Variants in CCDC73 observed in about 807,000 individuals in gnomAD.
The protein encoded by CCDC73 is coiled-coil domain containing 73, also known as coiled-coil domain-containing protein 73.
A neutral mutation model predicts 116.5 loss-of-function variants in CCDC73; 95 were observed. The ratio of observed to expected loss-of-function variants is 0.82; its 90% CI spans 0.69 to 0.97. CCDC73 has a LOEUF of 0.97. CCDC73 is among the 50% of genes least tolerant of loss of function. The pLI, the probability that CCDC73 is intolerant of heterozygous loss-of-function variation, is 0.00. For synonymous variants in CCDC73, 398 were observed against 401.3 expected (o/e 0.99, Z 0.10); for missense variants, 1,066 against 1,206.8 (o/e 0.88, Z 1.73).
the CCDC73 span, among the ~76,000 whole-genome samples, chr11:32,812,688 A>AAAAG: frequency 6.6e-6 from 1 of 150,794 alleles, no homozygotes; most frequent in Non-Finnish European, 1.5e-5. Flanking sequence ...AAAAAAAAAA[A>AAAAG]TTAGTCAGGC....
chr11:32,774,460 A>G (rs180858892), intron 1 of CCDC73, among the ~76,000 whole-genome samples: 2 of 152,318 alleles, frequency 1.3e-5, no homozygotes, highest in East Asian at 3.9e-4. Context: ...TCAATCTATT[A>G]TGTTTAATTT....
Position 32,654,104 on chromosome 11 carries a change from C to T in CCDC73, c.775-67G>A, listed in dbSNP as rs1855850665. 6 of 1,415,406 alleles carry T rather than the reference C, an allele frequency of 4.2e-6. No individual in the cohort carries two copies. The Admixed American group carries it at 1.3e-4, about 31-fold the overall frequency. 87.7% of individuals were successfully genotyped at this position (1,415,406 alleles called of 1,614,324 possible). ...AGCAAATTCTACATTCAATTCAGTA[C>T]TAAACAAATTTTGGAGTGTTATGAC... On this transcript the variant is annotated intron_variant, in intron 10 of 17. Coordinates refer to ENST00000335185, the MANE Select transcript of CCDC73 (RefSeq NM_001008391.4).
At chr11:32,720,489 G>A (rs967365477) in intron 2 of CCDC73, among the ~76,000 whole-genome samples, 4 of 151,970 alleles carry the variant, frequency 2.6e-5, no homozygotes, top group African/African-American at 7.2e-5. Context: ...TATTCTCATC[G>A]CTCTTATTAA....
chr11:32,693,596 G>C (rs1377878131), intron 6 of CCDC73, among the ~76,000 whole-genome samples: 2 of 152,062 alleles, frequency 1.3e-5, no homozygotes, highest in Non-Finnish European at 2.9e-5. Context: ...ACCAAAGCCT[G>C]GCAAAGACAC....
At chr11:32,730,351 C>T (rs531700928) in intron 2 of CCDC73, among the ~76,000 whole-genome samples, 106 of 152,278 alleles carry the variant, frequency 7.0e-4, no homozygotes, top group Non-Finnish European at 1.1e-3. Context: ...TAATATATAG[C>T]CTCTTGAATC....
At position 32,614,962 on chromosome 11, in the gene CCDC73, G is replaced by A; in HGVS notation, c.1376-20C>T. ...GTAAATCTGTCATGATGGGAACACAGTAAAATTTTATATTATACACTAAAG... is the reference window on the plus strand; with the variant it reads ...GTAAATCTGTCATGATGGGAACACAATAAAATTTTATATTATACACTAAAG... On this transcript the variant is annotated intron_variant, in intron 15 of 17. Coordinates refer to ENST00000335185, the MANE Select transcript of CCDC73 (RefSeq NM_001008391.4). The A allele has an allele frequency of 6.7e-7, 1 of 1,493,660 alleles. No homozygotes were observed. The allele number at this position is 1,493,660 out of a possible 1,614,324, so 92.5% of individuals were successfully genotyped here.
chr11:32,715,129 C>T (rs4756179), intron 3 of CCDC73, among the ~76,000 whole-genome samples: 37,430 of 152,022 alleles, frequency 0.25, 5,788 homozygotes, highest in East Asian at 0.79. Context: ...GAGGTACTTT[C>T]TTTCCCCTTT....
intron 14 of CCDC73, among the ~76,000 whole-genome samples, chr11:32,634,540 A>G (rs1454572082): frequency 1.1e-4 from 17 of 152,206 alleles, no homozygotes; most frequent in Non-Finnish European, 1.5e-5. Context: ...ATAAACAAAA[A>G]CATATAGCTA....
intron 3 of CCDC73, among the ~76,000 whole-genome samples, chr11:32,709,825 G>A (rs893680277): frequency 1.6e-4 from 25 of 152,288 alleles, no homozygotes; most frequent in Admixed American, 1.2e-3. Context: ...CTGTGAATCC[G>A]TCTGGTCCTA....
chr11:32,613,422 C>G lies in CCDC73; in HGVS notation c.2896G>C (p.Asp966His). The G allele has an allele frequency of 6.3e-7, 1 of 1,588,804 alleles. No individual in the cohort carries two copies. Among genetic ancestry groups the G allele is most frequent in the Non-Finnish European group, 8.6e-7 (1 of 1,165,708 alleles). The stretch of plus-strand genomic sequence containing the variant: ...TTAAAACATTACTTTGTTTTCTTAC[C>G]TGGTCCAATATCCTTTCCAACATCA... ...VDDVGKDIGP[D>H]TTSINRVADT... Residue 966 changes from aspartate to histidine, a missense_variant and splice_region_variant, in exon 16 of 18, where the codon GAT becomes CAT. Physicochemically the swap from Asp to His is moderately conservative, Grantham distance 81. Coordinates refer to ENST00000335185, the MANE Select transcript of CCDC73 (RefSeq NM_001008391.4).
intron 4 of CCDC73, among the ~76,000 whole-genome samples, chr11:32,701,314 G>A (rs1046959414): frequency 6.6e-6 from 1 of 151,968 alleles, no homozygotes; most frequent in Non-Finnish European, 1.5e-5. Context: ...TCGTAAATCA[G>A]AATCATTTGT....
intron 6 of CCDC73, among the ~76,000 whole-genome samples, chr11:32,684,042 T>TTTTGTTTG (rs3981867): frequency 3.4e-4 from 52 of 150,918 alleles, no homozygotes; most frequent in Admixed American, 9.9e-4. Flanking sequence ...TACTACCAGG[T>TTTTGTTTG]TTTGTTTGTT....
At position 32,613,424 on chromosome 11, in the gene CCDC73, G is replaced by A; in HGVS notation, c.2894C>T (p.Pro965Leu). The A allele has an allele frequency of 1.3e-6, 2 of 1,594,932 alleles. No homozygotes were observed. The highest frequency in any genetic ancestry group is 1.7e-6 in the Non-Finnish European group (2 of 1,168,882). Residue 965 changes from proline to leucine, a missense_variant and splice_region_variant, in exon 16 of 18, where the codon CCA becomes CTA. Transcript: ENST00000335185. ...GVDDVGKDIG[P>L]DTTSINRVAD... ...AAAACATTACTTTGTTTTCTTACCT[G>A]GTCCAATATCCTTTCCAACATCATC...
chr11:32,700,442 A>C (rs1293576587), intron 5 of CCDC73, among the ~76,000 whole-genome samples: 1 of 152,184 alleles, frequency 6.6e-6, no homozygotes, highest in African/African-American at 2.4e-5. Flanking sequence ...TAAAAACATC[A>C]TGGTTAATAG....
chr11:32,676,370 C>G (rs962639192), intron 7 of CCDC73, among the ~76,000 whole-genome samples: 3 of 152,132 alleles, frequency 2.0e-5, no homozygotes, highest in Non-Finnish European at 4.4e-5. Flanking sequence ...TGGTACTTTA[C>G]GAGGTATTTT....
chr11:32,724,228 A>G (rs2133338378), intron 2 of CCDC73, among the ~76,000 whole-genome samples: 1 of 152,262 alleles, frequency 6.6e-6, no homozygotes, highest in Admixed American at 6.5e-5. Context: ...TAAACCACCC[A>G]AAACTCCACT....
chr11:32,681,945 C>T (rs1257373563), intron 7 of CCDC73: 1 of 151,208 alleles, frequency 6.6e-6, no homozygotes, highest in Non-Finnish European at 1.5e-5. Context: ...ATATATATAC[C>T]AACATATAAA....
At chr11:32,752,140 G>A (rs1322959400) in intron 2 of CCDC73, among the ~76,000 whole-genome samples, 1 of 152,138 alleles carries the variant, frequency 6.6e-6, no homozygotes, top group Non-Finnish European at 1.5e-5. Context: ...AAGCCCCAGT[G>A]TGAGAGTACT....
intron 3 of CCDC73, among the ~76,000 whole-genome samples, chr11:32,716,985 T>C (rs1200131153): frequency 6.6e-6 from 1 of 152,170 alleles, no homozygotes; most frequent in Non-Finnish European, 1.5e-5. Flanking sequence ...TACTTAGTAT[T>C]TACCTATTCT....
Sources: gnomAD v4.1 joint callset for allele counts (sites outside exome capture counted in the v4.1 genomes callset) on GRCh38, gnomAD v4.1.1 for gene constraint, MANE v1.5 for transcripts, NCBI Gene and HGNC (gene_info 2026-07-23, HGNC 2026-07-21) for gene names.